Variants in CSMD1 observed in about 807,000 individuals in gnomAD.
CSMD1 encodes the protein CUB and Sushi multiple domains 1.
In CSMD1, 213 loss-of-function variants were observed where a neutral mutation model predicts 417.5. The observed-to-expected ratio is 0.51, with a 90% CI of 0.46 to 0.57. The LOEUF (loss-of-function observed/expected upper bound fraction) is 0.57. Among genes scored for constraint, CSMD1 ranks in the 20% least tolerant of loss-of-function variants. CSMD1 has a pLI of 0.00. For synonymous variants in CSMD1, 2,862 were observed against 1,736.8 expected (o/e 1.65, Z -16.11); for missense variants, 6,923 against 4,529.7 (o/e 1.53, Z -15.17).
chr8:4,525,156 A>C (rs1230202222), intron 2 of CSMD1, among the ~76,000 whole-genome samples: 2 of 152,164 alleles, frequency 1.3e-5, no homozygotes, highest in Non-Finnish European at 2.9e-5. Context: ...ATTTGGGAAA[A>C]GTTGACCAGG....
chr8:3,494,717 C>A (rs112804254), intron 10 of CSMD1, among the ~76,000 whole-genome samples: 2 of 151,744 alleles, frequency 1.3e-5, no homozygotes, highest in African/African-American at 2.4e-5. Flanking sequence ...AGAGATGTAA[C>A]AAGAGAGACG....
intron 1 of CSMD1, among the ~76,000 whole-genome samples, chr8:4,827,344 G>C (rs1476506277): frequency 1.3e-5 from 2 of 152,092 alleles, no homozygotes; most frequent in Non-Finnish European, 2.9e-5. Context: ...GGCTAGAAGA[G>C]CACACTAAGA....
intron 8 of CSMD1, among the ~76,000 whole-genome samples, chr8:3,589,023 A>G (rs1800723759): frequency 6.6e-6 from 1 of 152,168 alleles, no homozygotes; most frequent in Admixed American, 6.5e-5. Context: ...TTAAAACCAC[A>G]GTGAGATATC....
intron 3 of CSMD1, among the ~76,000 whole-genome samples, chr8:4,249,742 G>C (rs997700786): frequency 2.6e-5 from 4 of 152,108 alleles, no homozygotes; most frequent in African/African-American, 9.7e-5. Flanking sequence ...CAGTACTGGA[G>C]AACAAAGTCT....
chr8:3,637,386 G>A (rs183284199), intron 7 of CSMD1, among the ~76,000 whole-genome samples: 16 of 152,210 alleles, frequency 1.1e-4, no homozygotes, highest in East Asian at 3.9e-4. Flanking sequence ...GAATTCAAAT[G>A]TCTAACCACC....
chr8:3,886,775 A>G lies in CSMD1; in HGVS notation c.818+111128T>C, dbSNP rs572790466. ...CTCTGCAGGACACAGACTTAGGGAC[A>G]GATATACTGCCAAAGATTACAGAAG... On this transcript the variant is annotated intron_variant, in intron 5 of 69. Transcript: ENST00000635120. Among the ~76,000 whole-genome samples the G allele has an allele frequency of 1.0e-3, 159 of 152,318 alleles. 2 individuals are homozygous for G. Among genetic ancestry groups the G allele is most frequent in the African/African-American group, 1.1e-3 (46 of 41,580 alleles).
chr8:4,190,426 A>G (rs1462252185), intron 3 of CSMD1, among the ~76,000 whole-genome samples: 1 of 152,146 alleles, frequency 6.6e-6, no homozygotes, highest in Non-Finnish European at 1.5e-5. Context: ...ATTAACGCTC[A>G]TTAATGTGAA....
intron 3 of CSMD1, among the ~76,000 whole-genome samples, chr8:4,195,971 G>T (rs1017105948): frequency 6.6e-6 from 1 of 151,970 alleles, no homozygotes; most frequent in East Asian, 2.0e-4. Context: ...CAACACTTTG[G>T]GGCACCGAGG....
At chr8:4,698,942 C>CG (rs1807321174) in intron 1 of CSMD1, among the ~76,000 whole-genome samples, 3 of 142,270 alleles carry the variant, frequency 2.1e-5, no homozygotes, top group African/African-American at 8.0e-5. Context: ...ACACACACAC[C>CG]AATTTCACCG....
chr8:3,861,077 G>A (rs1025368423), intron 5 of CSMD1, among the ~76,000 whole-genome samples: 17 of 152,242 alleles, frequency 1.1e-4, no homozygotes, highest in African/African-American at 3.4e-4. Flanking sequence ...AGTATCAGCT[G>A]TAATGCCAAC....
chr8:2,974,442 G>A lies in CSMD1; in HGVS notation c.8740+9C>T. Reference sequence around the variant, plus strand: ...TGTAATTCTGTCAGTTCACTCGTAAGCCCCTCACCTGTGCAGTGGGGCAGT... The same window carrying A: ...TGTAATTCTGTCAGTTCACTCGTAAACCCCTCACCTGTGCAGTGGGGCAGT... On this transcript the variant is annotated intron_variant, in intron 56 of 69. Coordinates refer to ENST00000635120, the MANE Select transcript of CSMD1 (RefSeq NM_033225.6). The A allele has an allele frequency of 1.3e-6, 2 of 1,551,716 alleles. No homozygotes were observed. The highest frequency in any genetic ancestry group is 8.7e-7 in the Non-Finnish European group (1 of 1,145,216).
intron 3 of CSMD1, among the ~76,000 whole-genome samples, chr8:4,049,966 T>C (rs1315911637): frequency 3.9e-5 from 6 of 152,214 alleles, no homozygotes; most frequent in Non-Finnish European, 2.9e-5. Context: ...AGGTGTCTCC[T>C]GGCTGGGGCA....
chr8:3,919,818 T>C (rs949846191), intron 5 of CSMD1, among the ~76,000 whole-genome samples: 5 of 151,972 alleles, frequency 3.3e-5, no homozygotes, highest in Non-Finnish European at 5.9e-5. Flanking sequence ...ATAAATATTG[T>C]ATAATTTTCA....
At chr8:4,313,200 TA>T (rs2128879923) in intron 3 of CSMD1, among the ~76,000 whole-genome samples, 1 of 152,158 alleles carries the variant, frequency 6.6e-6, no homozygotes, top group East Asian at 1.9e-4. Flanking sequence ...ACCTAGGGAA[TA>T]ATAACAGGAA....
At chr8:3,349,076 C>T (rs1476021503) in intron 21 of CSMD1, among the ~76,000 whole-genome samples, 1 of 152,222 alleles carries the variant, frequency 6.6e-6, no homozygotes, top group Non-Finnish European at 1.5e-5. Context: ...ATGTGCCCAG[C>T]ACACCGATGT....
At chr8:3,956,311 T>C (rs185432673) in intron 5 of CSMD1, among the ~76,000 whole-genome samples, 47 of 152,328 alleles carry the variant, frequency 3.1e-4, no homozygotes, top group Non-Finnish European at 6.0e-4. Context: ...ATTATCCCCA[T>C]CTCAAGATGG....
chr8:4,745,632 A>C (rs1040533460), intron 1 of CSMD1, among the ~76,000 whole-genome samples: 1 of 152,204 alleles, frequency 6.6e-6, no homozygotes, highest in African/African-American at 2.4e-5. Context: ...GTAGAGAGAG[A>C]GTAGAGAGAA....
intron 3 of CSMD1, among the ~76,000 whole-genome samples, chr8:4,327,814 G>A (rs903472849): frequency 2.6e-5 from 4 of 152,200 alleles, no homozygotes; most frequent in African/African-American, 7.2e-5. Context: ...AATGTCTCCT[G>A]TAAGTATAAA....
intron 3 of CSMD1, among the ~76,000 whole-genome samples, chr8:4,208,661 C>G (rs1166366755): frequency 3.3e-5 from 5 of 152,002 alleles, no homozygotes; most frequent in East Asian, 1.9e-4. Flanking sequence ...TGACATAAAA[C>G]CAATTATGCA....
Sources: allele counts gnomAD v4.1 joint callset (sites outside exome capture counted in the v4.1 genomes callset), GRCh38; gene constraint gnomAD v4.1.1; transcripts MANE v1.5; gene names NCBI Gene and HGNC (gene_info 2026-07-23, HGNC 2026-07-21).